The following OR9Q1 variants were observed in gnomAD, a reference collection of about 807,000 sequenced individuals.
The protein encoded by OR9Q1 is olfactory receptor family 9 subfamily Q member 1.
For missense variants in OR9Q1, 374 were observed against 378.8 expected, an observed-to-expected ratio of 0.99 and a Z score of 0.11; for synonymous variants, 153 against 148.6, an observed-to-expected ratio of 1.03 and a Z score of -0.22.
At position 58,180,865 on chromosome 11, in the gene OR9Q1, T is replaced by G. The variant is rs1016455757; in HGVS notation, c.*488T>G. 1 of 167,674 alleles carries G rather than the reference T, an allele frequency of 6.0e-6. No individual in the cohort carries two copies. Among genetic ancestry groups the G allele is most frequent in the Non-Finnish European group, 1.5e-5 (1 of 68,658 alleles). 10.4% of individuals were successfully genotyped at this position (167,674 alleles called of 1,614,324 possible). ...ACTCATCAAACCACCTTTTTTTGATTCATTTCAAGGTGAGTTCCGGACATC... is the reference window on the plus strand; with the variant it reads ...ACTCATCAAACCACCTTTTTTTGATGCATTTCAAGGTGAGTTCCGGACATC... On this transcript the variant is annotated 3_prime_UTR_variant, in exon 3 of 3. Coordinates refer to ENST00000335397, the MANE Select transcript of OR9Q1 (RefSeq NM_001005212.4).
intron 1 of OR9Q1, among the ~76,000 whole-genome samples, chr11:58,032,137 G>A (rs1853047831): frequency 6.6e-6 from 1 of 152,166 alleles, no homozygotes; most frequent in African/African-American, 2.4e-5. Flanking sequence ...AACATCCCAT[G>A]CTCACAGATT....
chr11:58,079,907 T>C (rs1334621456), intron 2 of OR9Q1, among the ~76,000 whole-genome samples: 2 of 152,196 alleles, frequency 1.3e-5, no homozygotes, highest in Non-Finnish European at 2.9e-5. Context: ...AACTGCTGAC[T>C]TGTAGAATAG....
chr11:58,031,113 A>G, intron 1 of OR9Q1: 2 of 1,614,102 alleles, frequency 1.2e-6, no homozygotes, highest in Non-Finnish European at 1.7e-6. Flanking sequence ...GTGGGTTTGG[A>G]CCACCGACTA....
At chr11:58,043,470 TC>T (rs1257912682) in intron 1 of OR9Q1, among the ~76,000 whole-genome samples, 1 of 152,164 alleles carries the variant, frequency 6.6e-6, no homozygotes, top group Non-Finnish European at 1.5e-5. Flanking sequence ...CAGAGGCTCC[TC>T]CCCATTTTCT....
At chr11:58,035,024 G>A (rs79821681) in intron 1 of OR9Q1, among the ~76,000 whole-genome samples, 4,570 of 151,680 alleles carry the variant, frequency 0.03, 227 homozygotes, top group African/African-American at 0.1. Context: ...GATGGGTTTC[G>A]CCAGGTTATT....
chr11:58,060,643 G>T (rs771167014), intron 2 of OR9Q1, among the ~76,000 whole-genome samples: 15 of 152,208 alleles, frequency 9.9e-5, no homozygotes, highest in Admixed American at 2.0e-4. Flanking sequence ...TTCGAGACTA[G>T]CCTGGCCAGC....
chr11:58,084,030 T>A (rs1258977021), intron 2 of OR9Q1, among the ~76,000 whole-genome samples: 2 of 151,938 alleles, frequency 1.3e-5, no homozygotes, highest in Non-Finnish European at 2.9e-5. Context: ...TAGCATTGGA[T>A]CTGTAGATCG....
At chr11:58,114,778 A>G (rs1853934850) in intron 2 of OR9Q1, among the ~76,000 whole-genome samples, 1 of 152,188 alleles carries the variant, frequency 6.6e-6, no homozygotes, top group Admixed American at 6.5e-5. Context: ...AAGCAGACCC[A>G]GAGGGGTTGT....
At chr11:58,055,030 TG>T (rs1480579143) in intron 1 of OR9Q1, among the ~76,000 whole-genome samples, 2 of 152,210 alleles carry the variant, frequency 1.3e-5, no homozygotes, top group Non-Finnish European at 2.9e-5. Context: ...GGATGAAGTT[TG>T]AGCAAATGAC....
intron 2 of OR9Q1, among the ~76,000 whole-genome samples, chr11:58,089,615 G>A (rs1853665554): frequency 6.6e-6 from 1 of 151,840 alleles, no homozygotes; most frequent in Admixed American, 6.6e-5. Flanking sequence ...TTTTTGCTTA[G>A]GATTGTCTTT....
intron 2 of OR9Q1, among the ~76,000 whole-genome samples, chr11:58,113,038 T>A (rs1853917567): frequency 6.6e-6 from 1 of 152,132 alleles, no homozygotes; most frequent in Non-Finnish European, 1.5e-5. Context: ...TTTCTAGCTA[T>A]GTTCCTCAGC....
chr11:58,102,259 TTTTTAC>T (rs1476541119), intron 2 of OR9Q1, among the ~76,000 whole-genome samples: 42 of 1,718 alleles, frequency 0.024, no homozygotes, highest in African/African-American at 0.076. Flanking sequence ...TTGTATACCC[TTTTTAC>T]CCTTTTTAAC....
intron 2 of OR9Q1, among the ~76,000 whole-genome samples, chr11:58,153,828 A>T (rs1854377733): frequency 6.6e-6 from 1 of 152,178 alleles, no homozygotes; most frequent in Non-Finnish European, 1.5e-5. Context: ...TCACTATATC[A>T]CTAGACTATG....
At chr11:58,147,041 G>A (rs188761828) in intron 2 of OR9Q1, among the ~76,000 whole-genome samples, 8 of 152,258 alleles carry the variant, frequency 5.3e-5, no homozygotes, top group Admixed American at 2.0e-4. Context: ...TGGAGTTGGA[G>A]GGAAATAGAA....
At chr11:58,175,618 G>C (rs909571172) in intron 2 of OR9Q1, among the ~76,000 whole-genome samples, 1 of 152,040 alleles carries the variant, frequency 6.6e-6, no homozygotes, top group African/African-American at 2.4e-5. Context: ...CTTATAGAAT[G>C]GATAAGAATC....
intron 2 of OR9Q1, among the ~76,000 whole-genome samples, chr11:58,120,264 C>T (rs942666869): frequency 2.6e-5 from 4 of 152,026 alleles, no homozygotes; most frequent in African/African-American, 9.7e-5. Flanking sequence ...TAACTAACCC[C>T]TTTGTGCCTC....
intron 2 of OR9Q1, among the ~76,000 whole-genome samples, chr11:58,158,572 T>G (rs769714344): frequency 6.6e-6 from 1 of 152,114 alleles, no homozygotes; most frequent in African/African-American, 2.4e-5. Flanking sequence ...TTACCATAAG[T>G]CTCTTGAATG....
chr11:58,057,963 G>T (rs1038160425), intron 2 of OR9Q1: 1 of 152,308 alleles, frequency 6.6e-6, no homozygotes, highest in Non-Finnish European at 1.5e-5. Context: ...GCTCAGGAAA[G>T]GTAAGTGACT....
At position 58,085,436 on chromosome 11, in the gene OR9Q1, C is replaced by G. The variant is rs546116243; in HGVS notation, c.-15+29489C>G. Among the ~76,000 whole-genome samples the G allele has an allele frequency of 2.0e-5, 3 of 151,784 alleles. No homozygotes were observed. The South Asian group carries it at 6.2e-4, about 32-fold the overall frequency. ...CTTAACATAAAATCTACTCTTTTAA[C>G]AAAATTTTAAATATCCAATATCATA... On this transcript the variant is annotated intron_variant, in intron 2 of 2. Coordinates refer to ENST00000335397, the MANE Select transcript of OR9Q1 (RefSeq NM_001005212.4).
Sources: allele counts gnomAD v4.1 joint callset (sites outside exome capture counted in the v4.1 genomes callset), GRCh38; gene constraint gnomAD v4.1.1; transcripts MANE v1.5; gene names NCBI Gene and HGNC (gene_info 2026-07-23, HGNC 2026-07-21).